CLTA: variants seen among roughly 807,000 people sequenced by gnomAD.
CLTA encodes the protein clathrin light chain A, also known as clathrin, light polypeptide (Lca).
In CLTA, 9 loss-of-function variants were observed where a neutral mutation model predicts 26.9. The observed-to-expected ratio is 0.33, with a 90% CI of 0.20 to 0.58. The LOEUF is 0.58. CLTA is among the 20% of genes least tolerant of loss of function. CLTA has a pLI of 0.85. For synonymous variants in CLTA, 120 were observed against 115.5 expected (o/e 1.04, Z -0.25); for missense variants, 278 against 294.2 (o/e 0.94, Z 0.40).
At chr9:36,207,594 AT>A (rs1226962511) in intron 4 of CLTA, among the ~76,000 whole-genome samples, 1 of 151,942 alleles carries the variant, frequency 6.6e-6, no homozygotes, top group Non-Finnish European at 1.5e-5. Flanking sequence ...TTGGCTGAGG[AT>A]TGCTACTTTC....
At chr9:36,198,797 C>T (rs1010697856) in intron 2 of CLTA, among the ~76,000 whole-genome samples, 182 bp from the exon 3 acceptor site, 7 of 148,432 alleles carry the variant, frequency 4.7e-5, no homozygotes, top group African/African-American at 1.7e-4. Context: ...TGCTTGAACC[C>T]GGGAGGTGGA....
chr9:36,193,938 G>A (rs971357952), intron 1 of CLTA, among the ~76,000 whole-genome samples: 1 of 152,200 alleles, frequency 6.6e-6, no homozygotes, highest in African/African-American at 2.4e-5. Flanking sequence ...CACAAGTGGA[G>A]CTGTTGAAAA....
chr9:36,194,805 C>G (rs943237684), intron 1 of CLTA, among the ~76,000 whole-genome samples: 2 of 152,226 alleles, frequency 1.3e-5, no homozygotes, highest in Non-Finnish European at 2.9e-5. Context: ...CATGTCCTTT[C>G]TGCATGTTTC....
chr9:36,199,582 C>A (rs1273972481), intron 3 of CLTA, among the ~76,000 whole-genome samples: 1 of 150,878 alleles, frequency 6.6e-6, no homozygotes, highest in Non-Finnish European at 1.5e-5. Flanking sequence ...TCCTGAGTAG[C>A]TGGGTCTACA....
chr9:36,195,861 G>A (rs542070511), intron 1 of CLTA, among the ~76,000 whole-genome samples: 7 of 152,188 alleles, frequency 4.6e-5, no homozygotes, highest in African/African-American at 1.2e-4. Context: ...CCAGCTATTC[G>A]GGAGGCTGAG....
Position 36,195,962 on chromosome 9 carries a change from C to A in CLTA, c.218-1589C>A, listed in dbSNP as rs938067322. Among the ~76,000 whole-genome samples the A allele has an allele frequency of 7.0e-4, 104 of 149,626 alleles. 2 individuals are homozygous for A. The highest frequency in any genetic ancestry group is 2.7e-4 in the Admixed American group (4 of 15,002). Reference sequence around the variant, plus strand: ...TAGCCTGGCCAACAGCGTGAGACTCCGTCTCAAAAAAAATAAAAAAATACA... The same window carrying A: ...TAGCCTGGCCAACAGCGTGAGACTCAGTCTCAAAAAAAATAAAAAAATACA... On this transcript the variant is annotated intron_variant, in intron 1 of 4. Coordinates refer to ENST00000345519, the MANE Select transcript of CLTA (RefSeq NM_001833.4).
intron 4 of CLTA, chr9:36,209,172 T>G: frequency 6.7e-7 from 1 of 1,493,014 alleles, no homozygotes; most frequent in East Asian, 2.3e-5. Context: ...AGAGCACAGT[T>G]GTACCTCAAT....
At chr9:36,211,547 C>T (rs1828040132) in intron 4 of CLTA, 56 bp from the exon 5 acceptor site, 14 of 1,537,714 alleles carry the variant, frequency 9.1e-6, no homozygotes, top group Non-Finnish European at 1.2e-5. Flanking sequence ...AAGGCAGCCA[C>T]CAGGTTGCTC....
intron 1 of CLTA, 58 bp from the exon 2 acceptor site, chr9:36,197,493 C>A: frequency 1.7e-6 from 2 of 1,207,126 alleles, no homozygotes; most frequent in Non-Finnish European, 2.5e-6. Flanking sequence ...ACTGTACAAC[C>A]CTTTGGCCCA....
At chr9:36,200,671 G>A (rs1827353320) in intron 3 of CLTA, among the ~76,000 whole-genome samples, 1 of 152,154 alleles carries the variant, frequency 6.6e-6, no homozygotes, top group African/African-American at 2.4e-5. Context: ...CCATTCATTA[G>A]TGATTTCTTT....
At chr9:36,211,531 T>C (rs1268230792) in intron 4 of CLTA, 72 bp from the exon 5 acceptor site, 1 of 1,523,166 alleles carries the variant, frequency 6.6e-7, no homozygotes. Flanking sequence ...CAGTTGCTTG[T>C]GTAGCAAGGC....
chr9:36,203,757 C>G (rs1827559154), intron 3 of CLTA, among the ~76,000 whole-genome samples: 1 of 152,210 alleles, frequency 6.6e-6, no homozygotes, highest in South Asian at 2.1e-4. Context: ...TCCACATACA[C>G]CCTTCTCTTT....
chr9:36,193,123 C>T (rs1826833098), intron 1 of CLTA, among the ~76,000 whole-genome samples: 1 of 152,084 alleles, frequency 6.6e-6, no homozygotes, highest in Non-Finnish European at 1.5e-5. Context: ...ATCAAGCCTT[C>T]GGCAAAGGGA....
chr9:36,195,571 G>C (rs546721236), intron 1 of CLTA, among the ~76,000 whole-genome samples: 1 of 152,186 alleles, frequency 6.6e-6, no homozygotes, highest in South Asian at 2.1e-4. Flanking sequence ...ACAGTCCCTA[G>C]TATCAGGGAA....
chr9:36,199,610 C>T (rs1462864822), intron 3 of CLTA, among the ~76,000 whole-genome samples: 1 of 133,060 alleles, frequency 7.5e-6, no homozygotes, highest in Admixed American at 7.1e-5. Context: ...GCCACTACGT[C>T]CCGCTCATTT....
At chr9:36,205,452 G>A (rs1350342202) in intron 4 of CLTA, among the ~76,000 whole-genome samples, 1 of 152,146 alleles carries the variant, frequency 6.6e-6, no homozygotes, top group Non-Finnish European at 1.5e-5. Flanking sequence ...CCAGGTGGAA[G>A]TTCAGATCGG....
chr9:36,196,707 C>T (rs1326462298), intron 1 of CLTA, among the ~76,000 whole-genome samples: 1 of 152,076 alleles, frequency 6.6e-6, no homozygotes, highest in African/African-American at 2.4e-5. Context: ...AATATGCTTC[C>T]CCCATGCTTT....
chr9:36,198,035 C>T (rs1404885360), intron 2 of CLTA, among the ~76,000 whole-genome samples: 4 of 126,352 alleles, frequency 3.2e-5, no homozygotes, highest in East Asian at 2.3e-4. Context: ...GTCTCACTGT[C>T]GCCCAGGCTA....
chr9:36,194,576 A>C (rs1826921786), intron 1 of CLTA, among the ~76,000 whole-genome samples: 1 of 152,216 alleles, frequency 6.6e-6, no homozygotes, highest in Non-Finnish European at 1.5e-5. Flanking sequence ...AGTGTCACTA[A>C]GGTAGCAAGG....
Sources: allele counts gnomAD v4.1 joint callset (sites outside exome capture counted in the v4.1 genomes callset), GRCh38; gene constraint gnomAD v4.1.1; transcripts MANE v1.5; gene names NCBI Gene and HGNC (gene_info 2026-07-23, HGNC 2026-07-21).